Variants in GRIA2 observed in about 807,000 individuals in gnomAD.
GRIA2 encodes the protein glutamate receptor 2.
Under a neutral mutation model 97.3 loss-of-function variants are expected in GRIA2, and 14 were observed. The observed-to-expected ratio is 0.14, with a 90% CI of 0.10 to 0.23. The LOEUF (loss-of-function observed/expected upper bound fraction) is 0.23. Among genes scored for constraint, GRIA2 ranks in the 10% least tolerant of loss-of-function variants. The pLI, the probability that GRIA2 is intolerant of heterozygous loss-of-function variation, is 1.00. For synonymous variants in GRIA2, 412 were observed against 387.8 expected, an observed-to-expected ratio of 1.06 and a Z score of -0.73; for missense variants, 558 against 1,069.8, an observed-to-expected ratio of 0.52 and a Z score of 6.67.
chr4:157,323,901 A>G (rs1413921317), intron 6 of GRIA2, among the ~76,000 whole-genome samples: 1 of 151,974 alleles, frequency 6.6e-6, no homozygotes, highest in Non-Finnish European at 1.5e-5. Context: ...GCTTCTGCCC[A>G]TTTTCAGAGA....
chr4:157,359,020 G>T (rs984062099), intron 12 of GRIA2, among the ~76,000 whole-genome samples: 2 of 151,952 alleles, frequency 1.3e-5, no homozygotes, highest in Non-Finnish European at 2.9e-5. Flanking sequence ...TTCCCAAAAG[G>T]GATTAAAGTC....
At chr4:157,306,352 G>C (rs1204303502) in intron 3 of GRIA2, among the ~76,000 whole-genome samples, 1 of 152,144 alleles carries the variant, frequency 6.6e-6, no homozygotes, top group African/African-American at 2.4e-5. Flanking sequence ...TTACGTACTT[G>C]TGAAAAAAAT....
intron 5 of GRIA2, among the ~76,000 whole-genome samples, chr4:157,319,044 CAA>C (rs1389927139): frequency 6.6e-6 from 1 of 152,152 alleles, no homozygotes; most frequent in African/African-American, 2.4e-5. Context: ...TTGCTCAAGA[CAA>C]AATTTCTGTT....
chr4:157,333,221 C>A, intron 7 of GRIA2, 28 bp from the exon 8 acceptor site: 2 of 1,302,858 alleles, frequency 1.5e-6, no homozygotes, highest in South Asian at 1.3e-5. Flanking sequence ...AAATATATAA[C>A]TCTGCTGCTT....
At chr4:157,289,613 T>C (rs1423137537) in intron 2 of GRIA2, among the ~76,000 whole-genome samples, 1 of 151,874 alleles carries the variant, frequency 6.6e-6, no homozygotes, top group African/African-American at 2.4e-5. Context: ...CGAATTGTTT[T>C]CTTGTGACTT....
chr4:157,342,753 G>A (rs1211383836), intron 12 of GRIA2, among the ~76,000 whole-genome samples: 1 of 151,986 alleles, frequency 6.6e-6, no homozygotes, highest in Admixed American at 6.6e-5. Context: ...TGAGATCTAT[G>A]AGAATGATGC....
At chr4:157,356,898 T>C (rs1736408128) in intron 12 of GRIA2, among the ~76,000 whole-genome samples, 1 of 152,134 alleles carries the variant, frequency 6.6e-6, no homozygotes, top group African/African-American at 2.4e-5. Flanking sequence ...ATTAACCTAC[T>C]AGGTTGGCAC....
chr4:157,261,759 T>C (rs1731547466), intron 2 of GRIA2, among the ~76,000 whole-genome samples: 1 of 152,146 alleles, frequency 6.6e-6, no homozygotes, highest in African/African-American at 2.4e-5. Context: ...TACATTGTTC[T>C]GGTGTTTAGT....
intron 2 of GRIA2, among the ~76,000 whole-genome samples, chr4:157,302,907 A>G (rs1295742012): frequency 1.3e-5 from 2 of 152,204 alleles, no homozygotes; most frequent in African/African-American, 4.8e-5. Flanking sequence ...TTGTTTAAGA[A>G]TTAATATGTA....
intron 2 of GRIA2, among the ~76,000 whole-genome samples, chr4:157,227,094 GAAATAA>G (rs1729782402): frequency 6.6e-6 from 1 of 152,088 alleles, no homozygotes; most frequent in Non-Finnish European, 1.5e-5. Flanking sequence ...ACTAAGTATT[GAAATAA>G]AAATTACCTT....
chr4:157,347,045 A>C (rs1735794163), intron 12 of GRIA2, among the ~76,000 whole-genome samples: 1 of 152,170 alleles, frequency 6.6e-6, no homozygotes, highest in African/African-American at 2.4e-5. Context: ...CTGGGTTAAC[A>C]ATACAGGAAG....
intron 12 of GRIA2, chr4:157,342,483 A>G: frequency 4.1e-6 from 4 of 981,650 alleles, no homozygotes; most frequent in Non-Finnish European, 4.8e-6. Flanking sequence ...AGGTACCTCA[A>G]TATAAGTGCA....
rs1245803110 is a variant in GRIA2 at position 157,363,833 on chromosome 4, A to G, written c.*402A>G. On this transcript the variant is annotated 3_prime_UTR_variant, in exon 16 of 16. Coordinates refer to ENST00000264426, the MANE Select transcript of GRIA2 (RefSeq NM_001083619.3). The stretch of plus-strand genomic sequence containing the variant: ...AGCTAACATGGAAGTACTATAATTT[A>G]CCTGAAGTCTTTGTACAGACAACAA... 3 of 321,042 alleles carry G rather than the reference A, an allele frequency of 9.3e-6. No individual in the cohort carries two copies. The highest frequency in any genetic ancestry group is 6.4e-5 in the African/African-American group (3 of 46,922). The allele number at this position is 321,042 out of a possible 1,614,324, so 19.9% of individuals were successfully genotyped here.
rs1428168590 is a variant in GRIA2, at chr4:157,285,269, G to A, written c.230-18283G>A. ...TTATATTGGGTTGTCTGTTTTTTAC[G>A]TACTGATTCATAGTTCTTTAGATAA... On this transcript the variant is annotated intron_variant, in intron 2 of 15. Transcript: ENST00000264426. Among the ~76,000 whole-genome samples, 4 of 151,160 alleles carry A rather than the reference G, an allele frequency of 2.6e-5. No homozygotes were observed. The South Asian group carries it at 6.2e-4, about 24-fold the overall frequency.
intron 2 of GRIA2, among the ~76,000 whole-genome samples, chr4:157,294,970 A>G (rs1328115710): frequency 1.3e-5 from 2 of 152,182 alleles, no homozygotes; most frequent in Admixed American, 6.5e-5. Flanking sequence ...GAATGAGACT[A>G]TCACTTGTGA....
chr4:157,242,528 TAG>T (rs1165738831), intron 2 of GRIA2, among the ~76,000 whole-genome samples: 5 of 152,114 alleles, frequency 3.3e-5, no homozygotes, highest in Non-Finnish European at 5.9e-5. Flanking sequence ...TTTCTGATGA[TAG>T]AGGTACTGAT....
At chr4:157,244,149 T>G (rs1362491018) in intron 2 of GRIA2, among the ~76,000 whole-genome samples, 1 of 151,802 alleles carries the variant, frequency 6.6e-6, no homozygotes, top group Non-Finnish European at 1.5e-5. Context: ...TAGAGGGAAC[T>G]AAATACAAAG....
chr4:157,221,344 C>T, intron 1 of GRIA2: 2 of 559,036 alleles, frequency 3.6e-6, no homozygotes, highest in Non-Finnish European at 6.3e-6. Context: ...CCTCTCATTT[C>T]GGATCCCCAA....
chr4:157,297,739 G>A (rs1733414975), intron 2 of GRIA2, among the ~76,000 whole-genome samples: 1 of 152,010 alleles, frequency 6.6e-6, no homozygotes, highest in Non-Finnish European at 1.5e-5. Flanking sequence ...AAAGTAATAT[G>A]TGTTTAGATA....
Sources: allele counts gnomAD v4.1 joint callset (sites outside exome capture counted in the v4.1 genomes callset), GRCh38; gene constraint gnomAD v4.1.1; transcripts MANE v1.5; gene names NCBI Gene and HGNC (gene_info 2026-07-23, HGNC 2026-07-21).